Variants in SNX25 observed in about 807,000 individuals in gnomAD.
SNX25 encodes the protein sorting nexin 25.
SNX25 carries 62 observed loss-of-function variants against 113.7 expected under a neutral mutation model. That is an observed-to-expected ratio of 0.55 (90% CI 0.44 to 0.67). The LOEUF (loss-of-function observed/expected upper bound fraction) is 0.67. Among genes scored for constraint, SNX25 ranks in the 30% least tolerant of loss-of-function variants. SNX25 has a pLI of 0.00. For synonymous variants in SNX25, 421 were observed against 436.2 expected, an observed-to-expected ratio of 0.97 and a Z score of 0.43; for missense variants, 1,014 against 1,161.0, an observed-to-expected ratio of 0.87 and a Z score of 1.84.
At chr4:185,354,095 A>G (rs1164868262) in intron 15 of SNX25, among the ~76,000 whole-genome samples, 3 of 151,952 alleles carry the variant, frequency 2.0e-5, no homozygotes, top group East Asian at 1.9e-4. Context: ...TACAACCCCA[A>G]GACAGATATC....
At chr4:185,377,064 T>G in the SNX25 span, 11 of 1,183,486 alleles carry the variant, frequency 9.3e-6, no homozygotes, top group Non-Finnish European at 1.3e-5. Flanking sequence ...ACAATATGAA[T>G]TTTCTCTCTT....
At chr4:185,229,349 C>T (rs1199173716) in intron 1 of SNX25, among the ~76,000 whole-genome samples, 4 of 152,182 alleles carry the variant, frequency 2.6e-5, no homozygotes, top group African/African-American at 4.8e-5. Context: ...TCCATGTGGC[C>T]GTGAGAATGG....
At chr4:185,344,524 A>T (rs1450651287) in intron 12 of SNX25, among the ~76,000 whole-genome samples, 1 of 152,160 alleles carries the variant, frequency 6.6e-6, no homozygotes, top group Non-Finnish European at 1.5e-5. Context: ...AAAGCATGGG[A>T]GCACGGGATG....
chr4:185,373,467 G>A (rs754412947), downstream of SNX25, among the ~76,000 whole-genome samples: 38 of 152,150 alleles, frequency 2.5e-4, no homozygotes, highest in Non-Finnish European at 4.7e-4. Flanking sequence ...TCGAGCTCCC[G>A]GTGGATTCTA....
chr4:185,225,990 T>C (rs1740938518), intron 1 of SNX25, among the ~76,000 whole-genome samples: 1 of 152,236 alleles, frequency 6.6e-6, no homozygotes, highest in Non-Finnish European at 1.5e-5. Context: ...TTCTAGGATC[T>C]GCTTAGGACT....
intron 11 of SNX25, 129 bp from the exon 12 acceptor site, chr4:185,341,847 C>A: frequency 1.1e-6 from 1 of 879,040 alleles, no homozygotes; most frequent in Non-Finnish European, 1.6e-6. Flanking sequence ...CTATAATATT[C>A]ACAGTTCCAG....
intron 1 of SNX25, among the ~76,000 whole-genome samples, chr4:185,227,660 G>A (rs545808221): frequency 2.0e-5 from 3 of 152,282 alleles, no homozygotes; most frequent in Non-Finnish European, 2.9e-5. Context: ...GGGGTTAAAT[G>A]TGTACAGGTG....
downstream of SNX25, among the ~76,000 whole-genome samples, chr4:185,367,628 C>G (rs2095394228): frequency 6.6e-6 from 1 of 152,086 alleles, no homozygotes; most frequent in Non-Finnish European, 1.5e-5. Flanking sequence ...TTAAAATATA[C>G]AGCTAAAATA....
chr4:185,353,425 C>T, intron 14 of SNX25, 60 bp from the exon 15 acceptor site: 3 of 1,318,718 alleles, frequency 2.3e-6, no homozygotes, highest in Non-Finnish European at 3.3e-6. Flanking sequence ...AGAGGGAGAA[C>T]AACTCTACCA....
intron 5 of SNX25, among the ~76,000 whole-genome samples, chr4:185,269,928 T>TA (rs1748675757): frequency 6.6e-6 from 1 of 152,162 alleles, no homozygotes; most frequent in Non-Finnish European, 1.5e-5. Context: ...CACCATCTGT[T>TA]ATTTTGTATC....
At chr4:185,296,766 C>G (rs1423589435) in intron 6 of SNX25, among the ~76,000 whole-genome samples, 1 of 152,154 alleles carries the variant, frequency 6.6e-6, no homozygotes, top group Non-Finnish European at 1.5e-5. Context: ...CAATTAGTCT[C>G]TGAAGTTTTA....
chr4:185,376,839 A>G, the SNX25 span: 1 of 1,067,978 alleles, frequency 9.4e-7, no homozygotes, highest in African/African-American at 1.6e-5. Flanking sequence ...GAAACTCTAC[A>G]TGAAATTTTT....
In SNX25 at chr4:185,254,614, G is replaced by A. The variant is rs143556124; in HGVS notation, c.515-4234G>A. Among the ~76,000 whole-genome samples the A allele has an allele frequency of 8.3e-3, 1,270 of 152,248 alleles. 11 individuals are homozygous for A. The highest frequency in any genetic ancestry group is 0.013 in the Non-Finnish European group (904 of 68,002). On this transcript the variant is annotated intron_variant, in intron 2 of 18. Transcript: ENST00000652585. ...CTAACATCCTGTTGTCTAGACTAACGCGGGAGCCTTTTAACTTGTGTCCTC... is the reference window on the plus strand; with the variant it reads ...CTAACATCCTGTTGTCTAGACTAACACGGGAGCCTTTTAACTTGTGTCCTC...
rs1018148305 is a variant in SNX25 at position 185,224,528 on chromosome 4, CAT to C, written c.429+14281_429+14282del. ...ATATATAGATATATAAATATATATA[CAT>C]ATATATAAATATATATACATATATA... On this transcript the variant is annotated intron_variant, in intron 1 of 18. Coordinates refer to ENST00000652585, the MANE Select transcript of SNX25 (RefSeq NM_001378034.2). Among the ~76,000 whole-genome samples the C allele has an allele frequency of 7.7e-3, 792 of 103,438 alleles. 8 individuals carry two copies. Among genetic ancestry groups the C allele is most frequent in the African/African-American group, 0.025 (710 of 27,910 alleles). The allele number at this position is 103,438 out of a possible 152,430, so 67.9% of individuals were successfully genotyped here.
chr4:185,360,930 A>AATATATATATAT (rs3047488), intron 16 of SNX25, among the ~76,000 whole-genome samples: 12 of 139,618 alleles, frequency 8.6e-5, no homozygotes, highest in African/African-American at 3.0e-4. Context: ...AAAAAAAAAT[A>AATATATATATAT]ATATATATAT....
At chr4:185,264,313 A>G (rs1747742718) in intron 3 of SNX25, 125 bp from the exon 4 acceptor site, 1 of 907,130 alleles carries the variant, frequency 1.1e-6, no homozygotes, top group Non-Finnish European at 1.6e-6. Flanking sequence ...AGGAAATTTG[A>G]TTATTTAGGA....
At position 185,260,796 on chromosome 4, in the gene SNX25, C is replaced by G. The variant is rs1372657106; in HGVS notation, c.731+1732C>G. On this transcript the variant is annotated intron_variant, in intron 3 of 18. Transcript: ENST00000652585. ...GGACACCCAGGAGTCTCTGGACCAC[C>G]CTTTGAAAACTGCTGCCTATAGAGA... 2.0e-5 allele frequency among the ~76,000 whole-genome samples: 3 copies of G among 152,150 alleles called. No homozygotes were observed. In the South Asian group the frequency reaches 6.2e-4, roughly 31 times the overall value.
intron 7 of SNX25, among the ~76,000 whole-genome samples, chr4:185,316,972 G>A (rs1167033599): frequency 6.6e-6 from 1 of 152,138 alleles, no homozygotes; most frequent in African/African-American, 2.4e-5. Flanking sequence ...ATTATTAATG[G>A]TCTGTAGCAA....
intron 6 of SNX25, among the ~76,000 whole-genome samples, chr4:185,296,259 A>T (rs1300145845): frequency 6.6e-6 from 1 of 152,182 alleles, no homozygotes; most frequent in Non-Finnish European, 1.5e-5. Context: ...GAGGGGACAC[A>T]AACATTCAAA....
Sources: gnomAD v4.1 joint callset for allele counts (sites outside exome capture counted in the v4.1 genomes callset) on GRCh38, gnomAD v4.1.1 for gene constraint, MANE v1.5 for transcripts, NCBI Gene and HGNC (gene_info 2026-07-23, HGNC 2026-07-21) for gene names.